The following POU2F1 variants were observed in gnomAD, a reference collection of about 807,000 sequenced individuals.
The protein encoded by POU2F1 is POU class 2 homeobox 1, also known as POU domain, class 2, transcription factor 1.
POU2F1 carries 16 observed loss-of-function variants against 84.9 expected under a neutral mutation model. The observed-to-expected ratio is 0.19, with a 90% CI of 0.13 to 0.29. POU2F1 has a LOEUF of 0.29. Ranked by LOEUF, POU2F1 falls within the 10% of genes least tolerant of loss-of-function variation. The pLI, the probability that POU2F1 is intolerant of heterozygous loss-of-function variation, is 1.00. For synonymous variants in POU2F1, 368 were observed against 368.3 expected, an observed-to-expected ratio of 1.00 and a Z score of 0.01; for missense variants, 738 against 942.6, an observed-to-expected ratio of 0.78 and a Z score of 2.84.
rs114427946 is a variant in POU2F1 at position 167,416,135 on chromosome 1, A to G, written c.*325A>G. On this transcript the variant is annotated 3_prime_UTR_variant, in exon 16 of 16. Coordinates refer to ENST00000367866, the MANE Select transcript of POU2F1 (RefSeq NM_002697.4). ...ACAAAAAAATCAAAAACAAACAAAA[A>G]TAAGTGAAAGGACTACTTATCATTT... 6.5e-4 allele frequency: 299 copies of G among 456,776 alleles called. 1 individual carries two copies. The highest frequency in any genetic ancestry group is 5.7e-3 in the African/African-American group (280 of 49,196). 28.3% of individuals were successfully genotyped at this position (456,776 alleles called of 1,614,324 possible). A position where few individuals can be genotyped will look rare whatever the true frequency, so the allele number is the denominator to read the frequency against.
intron 8 of POU2F1, among the ~76,000 whole-genome samples, chr1:167,386,911 G>A (rs1361439235): frequency 2.6e-5 from 4 of 152,116 alleles, no homozygotes; most frequent in Non-Finnish European, 5.9e-5. Flanking sequence ...GGAACTTTTG[G>A]GAGTGATGAG....
chr1:167,237,768 ATATATTTTTTTTTTTTT>A (rs1299085994), intron 1 of POU2F1, among the ~76,000 whole-genome samples: 41 of 15,384 alleles, frequency 2.7e-3, no homozygotes, highest in African/African-American at 8.1e-3. Flanking sequence ...ATATATATAT[ATATATTTTTTTTTTTTT>A]TTTTTTTTTT....
At chr1:167,407,819 C>CA (rs1376506972) in intron 13 of POU2F1, among the ~76,000 whole-genome samples, 1 of 151,988 alleles carries the variant, frequency 6.6e-6, no homozygotes, top group Non-Finnish European at 1.5e-5. Context: ...TAAAGTAGGA[C>CA]AAAATCTTTG....
chr1:167,365,386 G>A (rs1659621601), intron 2 of POU2F1, 81 bp from the exon 3 acceptor site: 2 of 1,052,646 alleles, frequency 1.9e-6, no homozygotes, highest in Non-Finnish European at 2.7e-6. Context: ...ATAGGTGCCT[G>A]ATGAATGTTG....
At chr1:167,364,510 A>G (rs1260958479) in intron 2 of POU2F1, among the ~76,000 whole-genome samples, 1 of 11,324 alleles carries the variant, frequency 8.8e-5, no homozygotes. Context: ...AGCCTGGGCG[A>G]CAGAGCGAGC....
intron 1 of POU2F1, among the ~76,000 whole-genome samples, chr1:167,240,879 A>G (rs1345786194): frequency 6.6e-6 from 1 of 152,178 alleles, no homozygotes; most frequent in Non-Finnish European, 1.5e-5. Context: ...GCGGTGGCTC[A>G]TGCCTGTAAT....
At chr1:167,231,972 C>T (rs1649097910) in intron 1 of POU2F1, among the ~76,000 whole-genome samples, 1 of 152,216 alleles carries the variant, frequency 6.6e-6, no homozygotes, top group South Asian at 2.1e-4. Context: ...GGGATTGGTT[C>T]CAGGATTCCC....
chr1:167,306,958 T>C (rs967345135), intron 1 of POU2F1, among the ~76,000 whole-genome samples: 1 of 152,188 alleles, frequency 6.6e-6, no homozygotes, highest in African/African-American at 2.4e-5. Context: ...TTTCCTCTCC[T>C]AAATAGTGTC....
intron 1 of POU2F1, among the ~76,000 whole-genome samples, chr1:167,315,127 G>A (rs750628179): frequency 1.4e-4 from 21 of 152,232 alleles, no homozygotes; most frequent in Admixed American, 5.2e-4. Flanking sequence ...TACAGCCTGC[G>A]GAACCTGAGC....
intron 1 of POU2F1, among the ~76,000 whole-genome samples, chr1:167,252,916 T>G (rs1428975475): frequency 6.6e-6 from 1 of 152,114 alleles, no homozygotes; most frequent in African/African-American, 2.4e-5. Flanking sequence ...GCCCAAAGAC[T>G]GTGCTGACCG....
chr1:167,342,266 C>T (rs1342105115), intron 2 of POU2F1, among the ~76,000 whole-genome samples: 1 of 152,074 alleles, frequency 6.6e-6, no homozygotes, highest in Non-Finnish European at 1.5e-5. Context: ...GATAGTATCA[C>T]TATATTTCAG....
chr1:167,391,558 T>C (rs576778862), intron 9 of POU2F1, among the ~76,000 whole-genome samples: 12 of 123,558 alleles, frequency 9.7e-5, no homozygotes, highest in African/African-American at 3.5e-4. Flanking sequence ...TTTATATATA[T>C]CTTTTTTTTT....
intron 1 of POU2F1, among the ~76,000 whole-genome samples, chr1:167,249,092 C>T (rs893967586): frequency 2.6e-5 from 4 of 152,156 alleles, no homozygotes; most frequent in Admixed American, 6.5e-5. Flanking sequence ...CTTACTGAAA[C>T]ACATATATTA....
intron 3 of POU2F1, among the ~76,000 whole-genome samples, chr1:167,367,183 T>G (rs1387806078): frequency 1.3e-5 from 2 of 152,216 alleles, no homozygotes; most frequent in African/African-American, 4.8e-5. Context: ...AGCTACATAA[T>G]TAACAGTGTG....
At chr1:167,223,493 G>C (rs1648391614) in intron 1 of POU2F1, among the ~76,000 whole-genome samples, 1 of 152,086 alleles carries the variant, frequency 6.6e-6, no homozygotes. Context: ...GTTTACCGCT[G>C]CGTAGTCGAG....
rs1024094920 is a variant in POU2F1 at position 167,356,170 on chromosome 1, T to C, written c.128-9297T>C. 3.1e-3 allele frequency among the ~76,000 whole-genome samples: 464 copies of C among 149,666 alleles called. 5 individuals are homozygous for C. The highest frequency in any genetic ancestry group is 0.014 in the Middle Eastern group (4 of 290). On this transcript the variant is annotated intron_variant, in intron 2 of 15. Transcript: ENST00000367866. Reference sequence around the variant, plus strand: ...TAGCTAATTTTTCTTTTTCTTTTTTTTTTTTTTTTTTCTTGTAGAGGCGGG... The same window carrying C: ...TAGCTAATTTTTCTTTTTCTTTTTTCTTTTTTTTTTTCTTGTAGAGGCGGG...
At chr1:167,325,804 G>A (rs185477724) in intron 1 of POU2F1, among the ~76,000 whole-genome samples, 1 of 151,254 alleles carries the variant, frequency 6.6e-6, no homozygotes, top group Non-Finnish European at 1.5e-5. Context: ...CAGGAGAATC[G>A]CTTGAAACTA....
chr1:167,270,535 A>G (rs1012575519), intron 1 of POU2F1, among the ~76,000 whole-genome samples: 4 of 152,162 alleles, frequency 2.6e-5, no homozygotes, highest in African/African-American at 9.7e-5. Context: ...CTCAGAGGAG[A>G]GAGAGAAGAG....
intron 6 of POU2F1, 53 bp from the exon 7 acceptor site, chr1:167,375,976 A>G: frequency 1.2e-6 from 2 of 1,603,552 alleles, no homozygotes; most frequent in East Asian, 2.2e-5. Context: ...CTTATAATTA[A>G]GCGAACTTTT....
Sources: allele counts gnomAD v4.1 joint callset (sites outside exome capture counted in the v4.1 genomes callset), GRCh38; gene constraint gnomAD v4.1.1; transcripts MANE v1.5; gene names NCBI Gene and HGNC (gene_info 2026-07-23, HGNC 2026-07-21).